Variants in IQGAP2 observed in about 807,000 individuals in gnomAD.
IQGAP2 encodes IQ motif containing GTPase activating protein 2, also known as ras GTPase-activating-like protein IQGAP2.
In IQGAP2, 173 loss-of-function variants were observed where a neutral mutation model predicts 201.3. The ratio of observed to expected loss-of-function variants is 0.86; its 90% CI spans 0.76 to 0.98. IQGAP2 has a LOEUF of 0.98. IQGAP2 is among the 50% of genes least tolerant of loss of function. The pLI, the probability that IQGAP2 is intolerant of heterozygous loss-of-function variation, is 0.00. For synonymous variants in IQGAP2, 675 were observed against 673.9 expected (o/e 1.00, Z -0.03); for missense variants, 1,687 against 1,864.8 (o/e 0.90, Z 1.76).
chr5:76,564,722 G>A lies in IQGAP2; in HGVS notation c.303+2170G>A, dbSNP rs552703823. ...TCTGGTTATGGAATAAAATACTTGCGGGGCGTAGGCAGGTGATGACATACA... is the reference window on the plus strand; with the variant it reads ...TCTGGTTATGGAATAAAATACTTGCAGGGCGTAGGCAGGTGATGACATACA... On this transcript the variant is annotated intron_variant, in intron 3 of 35. Coordinates refer to ENST00000274364, the MANE Select transcript of IQGAP2 (RefSeq NM_006633.5). Among the ~76,000 whole-genome samples, 10 of 152,294 alleles carry A rather than the reference G, an allele frequency of 6.6e-5. No homozygotes were observed. The South Asian group carries it at 1.9e-3, about 28-fold the overall frequency.
intron 2 of IQGAP2, among the ~76,000 whole-genome samples, chr5:76,538,022 GA>G (rs1430894520): frequency 5.9e-5 from 9 of 152,174 alleles, no homozygotes; most frequent in Non-Finnish European, 1.2e-4. Flanking sequence ...TGCTAATAAA[GA>G]TATACCTGAG....
intron 13 of IQGAP2, chr5:76,617,842 G>C (rs1224277074): frequency 6.2e-7 from 1 of 1,614,022 alleles, no homozygotes; most frequent in East Asian, 2.2e-5. Context: ...TATGCATTAA[G>C]TGTCCGGATG....
At chr5:76,656,488 G>GT (rs11347965) in intron 20 of IQGAP2, among the ~76,000 whole-genome samples, 133 of 151,084 alleles carry the variant, frequency 8.8e-4, no homozygotes, top group African/African-American at 2.8e-3. Flanking sequence ...GCCGTTTTTG[G>GT]TTTTTTTTTT....
chr5:76,461,573 T>C lies in IQGAP2; in HGVS notation c.50T>C (p.Ile17Thr), dbSNP rs1431069501. ...TGTTGTTATCCTCTATTTCTAGCTA[T>C]TGTGGACGATGAAAGGCTCTCTGCA... Reference protein sequence around the residue: ...PSLQRPRYGSIVDDERLSAEE... With the variant: ...PSLQRPRYGSTVDDERLSAEE... Residue 17 changes from isoleucine to threonine, a missense_variant, in exon 2 of 36, where the codon ATT becomes ACT. Physicochemically the swap from Ile to Thr is moderately conservative, Grantham distance 89. Transcript: ENST00000274364. The C allele has an allele frequency of 3.7e-6, 6 of 1,610,488 alleles. No homozygotes were observed. The highest frequency in any genetic ancestry group is 5.1e-6 in the Non-Finnish European group (6 of 1,176,864).
intron 2 of IQGAP2, among the ~76,000 whole-genome samples, chr5:76,489,332 T>C (rs1014650599): frequency 2.6e-5 from 4 of 152,258 alleles, no homozygotes; most frequent in African/African-American, 7.2e-5. Context: ...ACCTTTGTTT[T>C]CTGTCACTTC....
chr5:76,640,708 C>T (rs1751505956), intron 16 of IQGAP2, among the ~76,000 whole-genome samples: 1 of 152,216 alleles, frequency 6.6e-6, no homozygotes, highest in Non-Finnish European at 1.5e-5. Flanking sequence ...GATCATTGAG[C>T]TGCATTCTCT....
At chr5:76,464,661 T>C (rs1561391988) in intron 2 of IQGAP2, among the ~76,000 whole-genome samples, 1 of 152,174 alleles carries the variant, frequency 6.6e-6, no homozygotes, top group African/African-American at 2.4e-5. Flanking sequence ...TTCCAGTATA[T>C]CTTTTATTTT....
intron 4 of IQGAP2, among the ~76,000 whole-genome samples, chr5:76,571,682 A>T (rs1413100690): frequency 6.6e-6 from 1 of 152,212 alleles, no homozygotes; most frequent in Non-Finnish European, 1.5e-5. Flanking sequence ...ATTTGATAAA[A>T]ATTGTAGAAC....
Position 76,590,379 on chromosome 5 carries a change from C to T in IQGAP2, c.641-29C>T, listed in dbSNP as rs143249448. The T allele has an allele frequency of 9.0e-5, 139 of 1,550,980 alleles. No individual in the cohort carries two copies. In the African/African-American group the frequency reaches 1.6e-3, roughly 18 times the overall value. The stretch of plus-strand genomic sequence containing the variant: ...CATGTTGTCTTTTGCTGATAAAAAC[C>T]TTTTTCTCTCTCTCTCTTTACTTTT... On this transcript the variant is annotated intron_variant, in intron 7 of 35. Coordinates refer to ENST00000274364, the MANE Select transcript of IQGAP2 (RefSeq NM_006633.5).
intron 5 of IQGAP2, 94 bp from the exon 6 acceptor site, chr5:76,588,812 T>C: frequency 4.5e-6 from 3 of 666,266 alleles, no homozygotes; most frequent in Non-Finnish European, 7.2e-6. Flanking sequence ...TCTTAGGTCT[T>C]TTCAACTGAA....
chr5:76,461,726 A>G (rs956844787), intron 2 of IQGAP2, 57 bp downstream of exon 2: 3 of 1,294,510 alleles, frequency 2.3e-6, no homozygotes, highest in Non-Finnish European at 3.4e-6. Context: ...GCTTTGTGAT[A>G]AGGGCGTGGG....
At chr5:76,702,419 G>A (rs1747484584) in intron 34 of IQGAP2, 63 bp from the exon 35 acceptor site, 1 of 779,668 alleles carries the variant, frequency 1.3e-6, no homozygotes, top group African/African-American at 1.8e-5. Flanking sequence ...CCATTAGTTT[G>A]TTTCAGCTTT....
intron 3 of IQGAP2, among the ~76,000 whole-genome samples, chr5:76,569,006 T>A (rs1051497193): frequency 6.6e-6 from 1 of 152,264 alleles, no homozygotes; most frequent in African/African-American, 2.4e-5. Context: ...AAATTTTTGC[T>A]GAGTTATAAA....
At chr5:76,588,687 A>G (rs1379657120) in intron 5 of IQGAP2, among the ~76,000 whole-genome samples, 1 of 152,222 alleles carries the variant, frequency 6.6e-6, no homozygotes. Flanking sequence ...GAAGTGGATT[A>G]CAGTAGAAGA....
In IQGAP2 at chr5:76,592,875, A is replaced by G. The variant is rs1242336425; in HGVS notation, c.857A>G (p.Glu286Gly). The change falls in exon 9 of 36, where the codon GAA becomes GGA. Residue 286 changes from glutamate (E) to glycine (G), a missense_variant. Glu to Gly is a moderately conservative substitution (Grantham distance 98, BLOSUM62 -2). Transcript: ENST00000274364. ...CISEEERDAY[E>G]ELLTQAEIQG... ...TCAGAAGAAGAAAGAGATGCTTATGAAGAACTGCTGACACAAGCAGAAATC... is the reference window on the plus strand; with the variant it reads ...TCAGAAGAAGAAAGAGATGCTTATGGAGAACTGCTGACACAAGCAGAAATC... 6.2e-7 allele frequency: 1 copy of G among 1,612,698 alleles called. No individual in the cohort carries two copies. Among genetic ancestry groups the G allele is most frequent in the Non-Finnish European group, 8.5e-7 (1 of 1,178,836 alleles).
intron 13 of IQGAP2, 78 bp from the exon 14 acceptor site, chr5:76,627,332 G>C (rs894209902): frequency 4.3e-6 from 4 of 925,018 alleles, no homozygotes; most frequent in Admixed American, 1.7e-5. Flanking sequence ...TGATTAAATG[G>C]CTCCTCAAAA....
chr5:76,540,751 G>T (rs982419894), intron 2 of IQGAP2, among the ~76,000 whole-genome samples: 3 of 152,180 alleles, frequency 2.0e-5, no homozygotes, highest in African/African-American at 7.2e-5. Flanking sequence ...TAGCACACAG[G>T]CTGGTCTGGG....
At chr5:76,441,818 G>C (rs1040904690) in intron 1 of IQGAP2, among the ~76,000 whole-genome samples, 7 of 152,198 alleles carry the variant, frequency 4.6e-5, no homozygotes, top group African/African-American at 1.4e-4. Context: ...CATCCATAAA[G>C]AGGGCATTCA....
chr5:76,496,754 TTTCTTTCTTTCTTTCTTTCTTTC>T (rs1756972327), intron 2 of IQGAP2, among the ~76,000 whole-genome samples: 1 of 68,682 alleles, frequency 1.5e-5, no homozygotes, highest in African/African-American at 8.1e-5. Flanking sequence ...TCTTTCTTTC[TTTCTTTCTTTCTTTCTTTCTTTC>T]TTTCTTTCTT....
Sources: allele counts gnomAD v4.1 joint callset (sites outside exome capture counted in the v4.1 genomes callset), GRCh38; gene constraint gnomAD v4.1.1; transcripts MANE v1.5; gene names NCBI Gene and HGNC (gene_info 2026-07-23, HGNC 2026-07-21).